The following HECW1 variants were observed in gnomAD, a reference collection of about 807,000 sequenced individuals.
HECW1 encodes E3 ubiquitin-protein ligase HECW1.
HECW1 carries 61 observed loss-of-function variants against 182.3 expected under a neutral mutation model. That is an observed-to-expected ratio of 0.33 (90% CI 0.27 to 0.41). The LOEUF is 0.41. Ranked by LOEUF, HECW1 falls within the 10% of genes least tolerant of loss-of-function variation. The pLI is 1.00. For synonymous variants in HECW1, 859 were observed against 832.6 expected (o/e 1.03, Z -0.55); for missense variants, 1,739 against 2,108.9 (o/e 0.82, Z 3.44).
chr7:43,495,433 A>T (rs759952581), intron 19 of HECW1, among the ~76,000 whole-genome samples: 3 of 152,156 alleles, frequency 2.0e-5, no homozygotes, highest in African/African-American at 4.8e-5. Flanking sequence ...TCTTGCTTTG[A>T]TAGTATGCTT....
In HECW1 at chr7:43,499,659, AAC is replaced by A. The variant is rs200148286; in HGVS notation, c.3438-1038_3438-1037del. 7.0e-3 allele frequency among the ~76,000 whole-genome samples: 1,071 copies of A among 152,226 alleles called. 12 individuals carry two copies. Among genetic ancestry groups the A allele is most frequent in the African/African-American group, 0.024 (979 of 41,520 alleles). On this transcript the variant is annotated intron_variant, in intron 19 of 29. Coordinates refer to ENST00000395891, the MANE Select transcript of HECW1 (RefSeq NM_015052.5). Reference sequence around the variant, plus strand: ...AGAAAAAAGTTAAAGATTAAAAAAAAACATCCTTAATTTTCCCTATTTCTGCT... The same window carrying A: ...AGAAAAAAGTTAAAGATTAAAAAAAAATCCTTAATTTTCCCTATTTCTGCT...
intron 3 of HECW1, among the ~76,000 whole-genome samples, chr7:43,264,129 A>G (rs1461495873): frequency 5.3e-5 from 8 of 152,170 alleles, no homozygotes; most frequent in Admixed American, 5.2e-4. Context: ...TGCAGTTTTG[A>G]AATATGCAAC....
chr7:43,291,758 CAG>C (rs1584352368), intron 3 of HECW1, among the ~76,000 whole-genome samples: 1 of 152,172 alleles, frequency 6.6e-6, no homozygotes, highest in Non-Finnish European at 1.5e-5. Flanking sequence ...GAAAAACAAA[CAG>C]AAGTTTAATA....
At chr7:43,157,368 A>T (rs1450458274) in intron 2 of HECW1, among the ~76,000 whole-genome samples, 1 of 151,970 alleles carries the variant, frequency 6.6e-6, no homozygotes, top group East Asian at 1.9e-4. Flanking sequence ...CCAAAGTATA[A>T]AAAAAAAGTT....
Position 43,320,757 on chromosome 7 carries a change from C to T in HECW1, c.460+15C>T. 6.3e-7 allele frequency: 1 copy of T among 1,578,490 alleles called. No individual in the cohort carries two copies. The highest frequency in any genetic ancestry group is 8.7e-7 in the Non-Finnish European group (1 of 1,147,570). The stretch of plus-strand genomic sequence containing the variant: ...CTTTGTGGAACGTGAGTACCTTTAC[C>T]ATTCTTGTGGCTTGGCAGACATGGA... On this transcript the variant is annotated intron_variant, in intron 5 of 29. Transcript: ENST00000395891.
Position 43,269,509 on chromosome 7 carries a change from A to C in HECW1, c.27+25577A>C, listed in dbSNP as rs564679357. Among the ~76,000 whole-genome samples, 3 of 152,356 alleles carry C rather than the reference A, an allele frequency of 2.0e-5. No homozygotes were observed. The South Asian group carries it at 6.2e-4, about 32-fold the overall frequency. On this transcript the variant is annotated intron_variant, in intron 3 of 29. Transcript: ENST00000395891. ...GTCGGAACCAGAAAGACACATGTGAAATTCACACTTGAAGCATATTTGGGT... is the reference window on the plus strand; with the variant it reads ...GTCGGAACCAGAAAGACACATGTGACATTCACACTTGAAGCATATTTGGGT...
intron 9 of HECW1, chr7:43,440,041 G>C (rs1211889594): frequency 1.3e-5 from 2 of 152,404 alleles, no homozygotes; most frequent in African/African-American, 4.8e-5. Context: ...CAGCCCCTGG[G>C]GGCCACTTCT....
At chr7:43,385,534 G>C (rs1057509043) in intron 6 of HECW1, among the ~76,000 whole-genome samples, 4 of 151,480 alleles carry the variant, frequency 2.6e-5, no homozygotes, top group African/African-American at 7.3e-5. Flanking sequence ...GCCTGGGGCA[G>C]CTCCTACACC....
At chr7:43,128,201 A>G (rs113168129) in intron 2 of HECW1, among the ~76,000 whole-genome samples, 136 of 152,336 alleles carry the variant, frequency 8.9e-4, no homozygotes, top group African/African-American at 3.1e-3. Flanking sequence ...TTCAATGCAG[A>G]TAAAACAACC....
Position 43,531,752 on chromosome 7 carries a change from C to G in HECW1, c.4020-9411C>G, listed in dbSNP as rs538269131. 2.0e-5 allele frequency among the ~76,000 whole-genome samples: 3 copies of G among 152,356 alleles called. No individual in the cohort carries two copies. In the East Asian group the frequency reaches 5.8e-4, roughly 29 times the overall value. On this transcript the variant is annotated intron_variant, in intron 24 of 29. Transcript: ENST00000395891. ...ATTTGACACAGTCGGCCTCTGCCTC[C>G]TTCCTGCACCATGCGCTCCACATCC...
chr7:43,435,782 C>A (rs187208242), intron 8 of HECW1, among the ~76,000 whole-genome samples: 261 of 152,284 alleles, frequency 1.7e-3, no homozygotes, highest in African/African-American at 5.8e-3. Context: ...GTGCAGCATG[C>A]CCTAGCTCAT....
intron 2 of HECW1, among the ~76,000 whole-genome samples, chr7:43,215,056 T>C (rs1796323201): frequency 6.6e-6 from 1 of 152,390 alleles, no homozygotes; most frequent in South Asian, 2.1e-4. Context: ...CTCCTTGGGT[T>C]TGCTTTGTTC....
Position 43,311,733 on chromosome 7 carries a change from A to G in HECW1, c.28-30A>G, listed in dbSNP as rs765895638. On this transcript the variant is annotated intron_variant, in intron 3 of 29. Coordinates refer to ENST00000395891, the MANE Select transcript of HECW1 (RefSeq NM_015052.5). ...GTGACTGAGTTGCCGGCGTGCCCTGACCCTGCTCACTGTCTCTTTGCTCCC... is the reference window on the plus strand; with the variant it reads ...GTGACTGAGTTGCCGGCGTGCCCTGGCCCTGCTCACTGTCTCTTTGCTCCC... 5.6e-6 allele frequency: 9 copies of G among 1,608,354 alleles called. No homozygotes were observed. In the Admixed American group the frequency reaches 1.3e-4, roughly 24 times the overall value.
rs919081391 is a variant in HECW1 at position 43,151,060 on chromosome 7, C to G, written c.-32+36669C>G. Reference sequence around the variant, plus strand: ...AAAAAAAGAAACAGAAAAATCAGTTCATGTGCCCTTTCCTGACTTCTCCTG... The same window carrying G: ...AAAAAAAGAAACAGAAAAATCAGTTGATGTGCCCTTTCCTGACTTCTCCTG... On this transcript the variant is annotated intron_variant, in intron 2 of 29. Coordinates refer to ENST00000395891, the MANE Select transcript of HECW1 (RefSeq NM_015052.5). 3 of 154,398 alleles carry G rather than the reference C, an allele frequency of 1.9e-5. No homozygotes were observed. In the Admixed American group the frequency reaches 2.0e-4, roughly 10 times the overall value. The allele number at this position is 154,398 out of a possible 1,614,324, so 9.6% of individuals were successfully genotyped here.
chr7:43,155,582 A>G (rs1470084698), intron 2 of HECW1, among the ~76,000 whole-genome samples: 2 of 152,208 alleles, frequency 1.3e-5, no homozygotes, highest in African/African-American at 4.8e-5. Flanking sequence ...TATTATTGAA[A>G]TGCTTTGTAT....
At position 43,114,730 on chromosome 7, in the gene HECW1, C is replaced by CTTT. The variant is rs5883857; in HGVS notation, c.-32+346_-32+348dup. Among the ~76,000 whole-genome samples, 420 of 151,304 alleles carry CTTT rather than the reference C, an allele frequency of 2.8e-3. 2 individuals carry two copies. The highest frequency in any genetic ancestry group is 9.6e-3 in the African/African-American group (395 of 41,178). On this transcript the variant is annotated intron_variant, in intron 2 of 29. Transcript: ENST00000395891. ...GGCTGCTTTGTGGAATGACAGTTCT[C>CTTT]TTTTTTTTTGGAGTAGTTTTTTCAT...
chr7:43,223,501 G>A (rs994987684), intron 2 of HECW1, among the ~76,000 whole-genome samples: 36 of 152,032 alleles, frequency 2.4e-4, no homozygotes, highest in Admixed American at 7.9e-4. Flanking sequence ...CACCTGTAAT[G>A]CCAGCTACTC....
chr7:43,204,436 A>G (rs569144000), intron 2 of HECW1, among the ~76,000 whole-genome samples: 60 of 152,350 alleles, frequency 3.9e-4, no homozygotes, highest in African/African-American at 1.3e-3. Context: ...ACTCACTATC[A>G]GAGTGCAAAT....
intron 26 of HECW1, among the ~76,000 whole-genome samples, chr7:43,544,605 A>G (rs991294853): frequency 3.3e-5 from 5 of 152,156 alleles, no homozygotes; most frequent in African/African-American, 9.7e-5. Flanking sequence ...ACGTCTAGAA[A>G]TTTGTCCTAC....
Sources: allele counts gnomAD v4.1 joint callset (sites outside exome capture counted in the v4.1 genomes callset), GRCh38; gene constraint gnomAD v4.1.1; transcripts MANE v1.5; gene names NCBI Gene and HGNC (gene_info 2026-07-23, HGNC 2026-07-21).